SLC44A3: variants seen among roughly 807,000 people sequenced by gnomAD.
The protein encoded by SLC44A3 is choline transporter-like protein 3.
A neutral mutation model predicts 75.4 loss-of-function variants in SLC44A3; 74 were observed. That is an observed-to-expected ratio of 0.98 (90% CI 0.81 to 1.19). SLC44A3 has a LOEUF of 1.19. SLC44A3 is among the 50% of genes most tolerant of loss of function. SLC44A3 has a pLI of 0.00. For missense variants in SLC44A3, 700 were observed against 778.6 expected (o/e 0.90, Z 1.20); for synonymous variants, 310 against 296.9 (o/e 1.04, Z -0.45).
intron 10 of SLC44A3, among the ~76,000 whole-genome samples, chr1:94,858,241 G>A (rs116603153): frequency 6.6e-6 from 1 of 152,138 alleles, no homozygotes; most frequent in African/African-American, 2.4e-5. Context: ...GCCTCAGTTT[G>A]TCCTCTGCAA....
chr1:94,844,020 A>T (rs1414687321), intron 8 of SLC44A3, among the ~76,000 whole-genome samples: 1 of 152,184 alleles, frequency 6.6e-6, no homozygotes, highest in Admixed American at 6.5e-5. Context: ...AGGAAACTGA[A>T]CCAGAGGTGA....
intron 12 of SLC44A3, among the ~76,000 whole-genome samples, chr1:94,885,818 A>G (rs1169811290): frequency 2.0e-5 from 3 of 152,230 alleles, no homozygotes; most frequent in African/African-American, 7.2e-5. Flanking sequence ...TAGTACATGC[A>G]AGATTAATGC....
intron 12 of SLC44A3, among the ~76,000 whole-genome samples, chr1:94,880,237 C>A (rs565856562): frequency 6.6e-6 from 1 of 152,210 alleles, no homozygotes; most frequent in Admixed American, 6.5e-5. Context: ...TTCATCACAG[C>A]ATACGCTCAA....
At chr1:94,881,004 G>A (rs998269773) in intron 12 of SLC44A3, among the ~76,000 whole-genome samples, 3 of 151,904 alleles carry the variant, frequency 2.0e-5, no homozygotes, top group African/African-American at 7.3e-5. Flanking sequence ...AGGAGTTCAA[G>A]GCCAGCCTGG....
chr1:94,885,853 T>C (rs1430445032), intron 12 of SLC44A3, among the ~76,000 whole-genome samples: 4 of 152,180 alleles, frequency 2.6e-5, no homozygotes, highest in Non-Finnish European at 1.5e-5. Context: ...ATTAGCGTTA[T>C]TATTTATTTA....
At chr1:94,842,204 C>T in intron 8 of SLC44A3, 80 bp downstream of exon 8, 1 of 1,478,668 alleles carries the variant, frequency 6.8e-7, no homozygotes, top group Admixed American at 2.5e-5. Context: ...TAGCCAAAAA[C>T]AACTATAATT....
At chr1:94,842,390 G>T (rs1663773438) in intron 8 of SLC44A3, among the ~76,000 whole-genome samples, 1 of 152,226 alleles carries the variant, frequency 6.6e-6, no homozygotes, top group African/African-American at 2.4e-5. Context: ...GCCCCAAGGG[G>T]CTACAAGGTG....
intron 5 of SLC44A3, among the ~76,000 whole-genome samples, chr1:94,830,831 C>T (rs1198240648): frequency 1.3e-5 from 2 of 152,170 alleles, no homozygotes; most frequent in Admixed American, 6.5e-5. Context: ...CATAATTCCA[C>T]AGGAAGCTTA....
At chr1:94,839,634 C>A (rs564446366) in intron 6 of SLC44A3, among the ~76,000 whole-genome samples, 2 of 152,262 alleles carry the variant, frequency 1.3e-5, no homozygotes, top group South Asian at 4.1e-4. Context: ...GGTGATCCAC[C>A]CGCCTCGGCC....
chr1:94,878,264 A>C lies in SLC44A3; in HGVS notation c.1482+10847A>C, dbSNP rs574360567. ...AAACCAAAACAAACAAACAAACAAA[A>C]AAAAAACAGAGAAACTTGGTTGGGG... On this transcript the variant is annotated intron_variant, in intron 12 of 14. Coordinates refer to ENST00000271227, the MANE Select transcript of SLC44A3 (RefSeq NM_001114106.3). Among the ~76,000 whole-genome samples, 308 of 151,906 alleles carry C rather than the reference A, an allele frequency of 2.0e-3. 6 individuals are homozygous for C. In the East Asian group the frequency reaches 0.024, roughly 12 times the overall value.
intron 10 of SLC44A3, among the ~76,000 whole-genome samples, chr1:94,859,894 A>G (rs9432393): frequency 0.2 from 29,801 of 152,154 alleles, 3,193 homozygotes; most frequent in Middle Eastern, 0.27. Context: ...AACCCAAAGT[A>G]AAGACCTACA....
At chr1:94,870,339 C>G (rs1420942700) in intron 12 of SLC44A3, among the ~76,000 whole-genome samples, 2 of 152,196 alleles carry the variant, frequency 1.3e-5, no homozygotes, top group African/African-American at 4.8e-5. Context: ...AAAAGGCAAG[C>G]CTCCAAGAAA....
intron 6 of SLC44A3, among the ~76,000 whole-genome samples, 177 bp downstream of exon 6, chr1:94,838,048 C>T (rs987862582): frequency 6.6e-6 from 1 of 152,304 alleles, no homozygotes; most frequent in South Asian, 2.1e-4. Context: ...AATAGAGGAG[C>T]GGCTGGCCCT....
At chr1:94,894,525 A>G (rs1265190221) in intron 14 of SLC44A3, among the ~76,000 whole-genome samples, 1 of 152,162 alleles carries the variant, frequency 6.6e-6, no homozygotes, top group Non-Finnish European at 1.5e-5. Context: ...CCCAGCCACT[A>G]AGTGTTCTTC....
chr1:94,871,349 C>T lies in SLC44A3; in HGVS notation c.1482+3932C>T, dbSNP rs1387768173. The stretch of plus-strand genomic sequence containing the variant: ...GTGGCCTGGCCCCTCCTCCTTTCCT[C>T]AGGCAAGTTAGTGGTCAAAGCGTCT... On this transcript the variant is annotated intron_variant, in intron 12 of 14. Transcript: ENST00000271227. 2.0e-5 allele frequency among the ~76,000 whole-genome samples: 3 copies of T among 152,218 alleles called. No homozygotes were observed. In the East Asian group the frequency reaches 5.8e-4, roughly 29 times the overall value.
At chr1:94,878,692 T>C (rs1194130592) in intron 12 of SLC44A3, among the ~76,000 whole-genome samples, 2 of 152,120 alleles carry the variant, frequency 1.3e-5, no homozygotes. Context: ...GTAATGAAAA[T>C]GGTGTGGTAC....
intron 11 of SLC44A3, 49 bp from the exon 12 acceptor site, chr1:94,867,281 CT>C: frequency 1.4e-6 from 2 of 1,462,884 alleles, no homozygotes; most frequent in Non-Finnish European, 9.2e-7. Context: ...TGCTTTTCTT[CT>C]TTCCTGTGTT....
chr1:94,884,296 G>T (rs1669323279), intron 12 of SLC44A3, among the ~76,000 whole-genome samples: 1 of 151,978 alleles, frequency 6.6e-6, no homozygotes, highest in African/African-American at 2.4e-5. Flanking sequence ...AACGGTGAAT[G>T]CAGGGCCCTG....
At chr1:94,847,084 G>A (rs1034765920) in intron 9 of SLC44A3, among the ~76,000 whole-genome samples, 1 of 152,250 alleles carries the variant, frequency 6.6e-6, no homozygotes, top group African/African-American at 2.4e-5. Flanking sequence ...TAATTACCCA[G>A]GGAGGAACAT....
Sources: allele counts gnomAD v4.1 joint callset (sites outside exome capture counted in the v4.1 genomes callset), GRCh38; gene constraint gnomAD v4.1.1; transcripts MANE v1.5; gene names NCBI Gene and HGNC (gene_info 2026-07-23, HGNC 2026-07-21).